Variants in CIRSR observed in about 807,000 individuals in gnomAD.
CIRSR encodes corepressor of RBPJ and splicing regulator.
At chr2:174,372,476 A>G in the CIRSR span, among the ~76,000 whole-genome samples, 1 of 152,244 alleles carries the variant, frequency 6.6e-6, no homozygotes, top group Non-Finnish European at 1.5e-5. Flanking sequence ...ATTTGACCAA[A>G]GGTTGTAAAC....
At chr2:174,355,820 A>C in the CIRSR span, among the ~76,000 whole-genome samples, 8 of 152,356 alleles carry the variant, frequency 5.3e-5, no homozygotes, top group African/African-American at 1.9e-4. Flanking sequence ...GGCTATGAGG[A>C]AATGGCATAC....
At chr2:174,378,941 C>T in the CIRSR span, 90 of 1,612,454 alleles carry the variant, frequency 5.6e-5, 1 homozygote, top group African/African-American at 1.1e-3. Flanking sequence ...TCAGTGGGAA[C>T]CGAACTTGCA....
At chr2:174,351,081 TTTTAA>T in the CIRSR span, among the ~76,000 whole-genome samples, 3 of 152,192 alleles carry the variant, frequency 2.0e-5, no homozygotes, top group African/African-American at 7.2e-5. Context: ...AATACTTTAT[TTTTAA>T]TTTAATGAAA....
At chr2:174,354,243 AAT>A in the CIRSR span, among the ~76,000 whole-genome samples, 1 of 150,378 alleles carries the variant, frequency 6.6e-6, no homozygotes, top group Non-Finnish European at 1.5e-5. Flanking sequence ...TATGACTGTA[AAT>A]AGAGTGCTTA....
At chr2:174,372,930 A>G in the CIRSR span, among the ~76,000 whole-genome samples, 1 of 152,176 alleles carries the variant, frequency 6.6e-6, no homozygotes, top group African/African-American at 2.4e-5. Flanking sequence ...TGAATGTTTG[A>G]ACATATCCAT....
the CIRSR span, among the ~76,000 whole-genome samples, chr2:174,369,790 C>T: frequency 6.6e-6 from 1 of 152,156 alleles, no homozygotes; most frequent in African/African-American, 2.4e-5. Context: ...AGTTTGCCAT[C>T]TTCTATAGGT....
the CIRSR span, chr2:174,380,820 T>C: frequency 1.0e-5 from 16 of 1,590,254 alleles, no homozygotes; most frequent in Admixed American, 1.7e-5. Context: ...GTTTTCTTGA[T>C]TGCATATCAA....
At chr2:174,375,850 T>C in the CIRSR span, among the ~76,000 whole-genome samples, 1 of 152,194 alleles carries the variant, frequency 6.6e-6, no homozygotes, top group Non-Finnish European at 1.5e-5. Flanking sequence ...ATCTTTTTCT[T>C]ATTGACTTGA....
At chr2:174,390,818 T>C in the CIRSR span, among the ~76,000 whole-genome samples, 2 of 152,314 alleles carry the variant, frequency 1.3e-5, no homozygotes, top group South Asian at 4.1e-4. Flanking sequence ...GAGCTTTTCC[T>C]CTTTTGCTCG....
At chr2:174,383,744 A>G in the CIRSR span, among the ~76,000 whole-genome samples, 4 of 151,574 alleles carry the variant, frequency 2.6e-5, no homozygotes, top group East Asian at 7.7e-4. Context: ...AAAAAAATCA[A>G]AATCAAATAC....
the CIRSR span, among the ~76,000 whole-genome samples, chr2:174,363,431 T>G: frequency 6.6e-6 from 1 of 152,178 alleles, no homozygotes; most frequent in African/African-American, 2.4e-5. Context: ...GACACAGTCT[T>G]AAGGCCTAGC....
At chr2:174,349,062 G>C in the CIRSR span, 1 of 1,585,370 alleles carries the variant, frequency 6.3e-7, no homozygotes, top group Non-Finnish European at 8.6e-7. Flanking sequence ...GGAGGAGGAG[G>C]AAGATGAGGA....
At chr2:174,355,089 A>G in the CIRSR span, among the ~76,000 whole-genome samples, 1 of 152,096 alleles carries the variant, frequency 6.6e-6, no homozygotes, top group Non-Finnish European at 1.5e-5. Flanking sequence ...TAATCAAGAT[A>G]TATTTAGCAA....
chr2:174,380,105 G>A, the CIRSR span: 1 of 718,202 alleles, frequency 1.4e-6, no homozygotes, highest in Non-Finnish European at 2.3e-6. Flanking sequence ...AAAAACCATA[G>A]TGCCCCTTTT....
the CIRSR span, chr2:174,380,128 C>G: frequency 9.4e-7 from 1 of 1,069,384 alleles, no homozygotes; most frequent in Non-Finnish European, 1.4e-6. Flanking sequence ...GCTTAAACAC[C>G]TTTTAGACAA....
At chr2:174,374,523 T>C in the CIRSR span, among the ~76,000 whole-genome samples, 1 of 151,442 alleles carries the variant, frequency 6.6e-6, no homozygotes, top group Non-Finnish European at 1.5e-5. Flanking sequence ...AATTGGCAAA[T>C]ACAATTATTT....
At chr2:174,395,458 A>G in the CIRSR span, 8 of 1,246,078 alleles carry the variant, frequency 6.4e-6, no homozygotes, top group Non-Finnish European at 9.4e-6. Flanking sequence ...AGGCTGTCCT[A>G]GGGATCTCAG....
the CIRSR span, among the ~76,000 whole-genome samples, chr2:174,354,897 C>T: frequency 1.6e-4 from 23 of 147,746 alleles, no homozygotes; most frequent in Admixed American, 7.8e-4. Context: ...CCACTGCACC[C>T]GGCCACTATC....
chr2:174,356,734 A>G, the CIRSR span, among the ~76,000 whole-genome samples: 1 of 152,134 alleles, frequency 6.6e-6, no homozygotes, highest in African/African-American at 2.4e-5. Context: ...GCTGAAACTA[A>G]ATTGCTACCC....
Sources: allele counts gnomAD v4.1 joint callset (sites outside exome capture counted in the v4.1 genomes callset), GRCh38; gene constraint gnomAD v4.1.1; transcripts MANE v1.5; gene names NCBI Gene and HGNC (gene_info 2026-07-23, HGNC 2026-07-21).